Variants in SFPQ observed in about 807,000 individuals in gnomAD.
The protein encoded by SFPQ is splicing factor, proline- and glutamine-rich.
SFPQ carries 11 observed loss-of-function variants against 72.9 expected under a neutral mutation model. That is an observed-to-expected ratio of 0.15 (90% confidence interval 0.09 to 0.25). The LOEUF (loss-of-function observed/expected upper bound fraction) is 0.25, where lower values mean the gene tolerates loss of function less well. SFPQ is among the 10% of genes least tolerant of loss of function. The pLI is 1.00. For synonymous variants in SFPQ, 506 were observed against 367.3 expected (o/e 1.38, Z -4.32); for missense variants, 847 against 993.3 (o/e 0.85, Z 1.98).
chr1:35,187,410 G>C lies in SFPQ; in HGVS notation c.1816-159C>G, dbSNP rs573969864. Among the ~76,000 whole-genome samples the C allele has an allele frequency of 2.6e-5, 4 of 152,288 alleles. No individual in the cohort carries two copies. In the East Asian group the frequency reaches 7.7e-4, roughly 29 times the overall value. On this transcript the variant is annotated intron_variant, in intron 7 of 9. Coordinates refer to ENST00000357214, the MANE Select transcript of SFPQ (RefSeq NM_005066.3). ...AATCAATATTCTGAAAACTAAGTTA[G>C]ACTCAATTATCCAAAGACCTACAAA...
intron 4 of SFPQ, chr1:35,177,885 G>A (rs753550240): frequency 3.7e-5 from 14 of 380,888 alleles, no homozygotes; most frequent in Non-Finnish European, 4.7e-5. Flanking sequence ...TCTTAGAAAC[G>A]GTAAACATCT....
Position 35,183,745 on chromosome 1 carries a change from T to A in SFPQ, c.*711A>T. ...TTTTCAAAAGCTTTCAAGTAAAGGA[T>A]AGATCATAGGGCCATAAAAGATCCA... On this transcript the variant is annotated 3_prime_UTR_variant, in exon 10 of 10. Coordinates refer to ENST00000357214, the MANE Select transcript of SFPQ (RefSeq NM_005066.3). 9.5e-7 allele frequency: 1 copy of A among 1,050,752 alleles called. No homozygotes were observed. Among genetic ancestry groups the A allele is most frequent in the Middle Eastern group, 4.3e-4 (1 of 2,326 alleles). 65.1% of individuals were successfully genotyped at this position (1,050,752 alleles called of 1,614,324 possible). A position where few individuals can be genotyped will look rare whatever the true frequency, so the allele number is the denominator to read the frequency against.
intron 7 of SFPQ, 105 bp downstream of exon 7, chr1:35,187,868 G>A: frequency 2.8e-6 from 2 of 725,720 alleles, no homozygotes; most frequent in Non-Finnish European, 4.8e-6. Context: ...TAGAAAAAAA[G>A]CAGAAAATAA....
At chr1:35,178,379 G>T, downstream of SFPQ, 1 of 1,063,700 alleles carries the variant, frequency 9.4e-7, no homozygotes, top group Non-Finnish European at 1.1e-6. Flanking sequence ...CACCAAATGA[G>T]TTTTAACATC....
At chr1:35,184,927 GA>G (rs1639636368) in intron 9 of SFPQ, among the ~76,000 whole-genome samples, 1 of 152,164 alleles carries the variant, frequency 6.6e-6, no homozygotes, top group African/African-American at 2.4e-5. Context: ...TTAACCCACT[GA>G]AAAACTTGCA....
At chr1:35,182,693 A>ACATTC (rs1639519673), downstream of SFPQ, 1 of 985,340 alleles carries the variant, frequency 1.0e-6, no homozygotes, top group South Asian at 4.7e-5. Flanking sequence ...GGAGGAAGAC[A>ACATTC]CATTCCATAG....
Position 35,190,684 on chromosome 1 carries a change from G to T in SFPQ, c.1319+10C>A, listed in dbSNP as rs1363777815. The T allele has an allele frequency of 1.9e-6, 3 of 1,612,368 alleles. No individual in the cohort carries two copies. Among genetic ancestry groups the T allele is most frequent in the Non-Finnish European group, 2.5e-6 (3 of 1,179,112 alleles). On this transcript the variant is annotated intron_variant, in intron 3 of 9. Coordinates refer to ENST00000357214, the MANE Select transcript of SFPQ (RefSeq NM_005066.3). ...TGATAGAAATTATTAGAATAAACAA[G>T]ACAACTTACGTCGTCAGTAAGAAAA...
In SFPQ at chr1:35,190,844, G is replaced by C. The variant is rs755626136; in HGVS notation, c.1169C>G (p.Ala390Gly). 4.5e-5 allele frequency: 73 copies of C among 1,614,044 alleles called. No homozygotes were observed. Among genetic ancestry groups the C allele is most frequent in the East Asian group, 4.0e-4 (18 of 44,900 alleles). ...TTCAATAGGACCAAATTGGCTAAAG[G>C]CTTCTTCCAACAGTTCATTGGAAAC... ...PYVSNELLEEAFSQFGPIERA... is the reference protein window; with the variant it reads ...PYVSNELLEEGFSQFGPIERA... Residue 390 changes from alanine (A) to glycine (G), a missense_variant, in exon 3 of 10, where the codon GCC (alanine) becomes GGC (glycine). Coordinates refer to ENST00000357214, the MANE Select transcript of SFPQ (RefSeq NM_005066.3).
At chr1:35,178,423 TC>T, downstream of SFPQ, 2 of 1,064,146 alleles carry the variant, frequency 1.9e-6, no homozygotes, top group Non-Finnish European at 2.3e-6. Context: ...CATACCCTGC[TC>T]CCCATTCAAG....
In SFPQ at chr1:35,192,606, GCCTGGCCCGGAC is replaced by G; in HGVS notation, c.432_443del (p.Ser145_Gly148del). On this transcript the variant is annotated inframe_deletion, in exon 1 of 10. Coordinates refer to ENST00000357214, the MANE Select transcript of SFPQ (RefSeq NM_005066.3). ...CTGCAGGCGGCGGGGTCGGAGTCGGGCCTGGCCCGGACCCTGGCGGGGCCCCCGAGGTTGGTG... is the reference window on the plus strand; with the variant it reads ...CTGCAGGCGGCGGGGTCGGAGTCGGGCCTGGCGGGGCCCCCGAGGTTGGTG... 1 of 1,358,984 alleles carries G rather than the reference GCCTGGCCCGGAC, an allele frequency of 7.4e-7. No individual in the cohort carries two copies. Among genetic ancestry groups the G allele is most frequent in the Non-Finnish European group, 9.4e-7 (1 of 1,063,942 alleles). The allele number at this position is 1,358,984 out of a possible 1,614,324, so 84.2% of individuals were successfully genotyped here.
chr1:35,176,753 A>G (rs887300759), intron 5 of SFPQ, among the ~76,000 whole-genome samples: 1 of 152,000 alleles, frequency 6.6e-6, no homozygotes, highest in African/African-American at 2.4e-5. Context: ...GGGCGCCTGC[A>G]GTCCCAGCTA....
chr1:35,184,389 G>A lies in SFPQ; in HGVS notation c.*67C>T. The stretch of plus-strand genomic sequence containing the variant: ...AGATAGCTTTCTTACTAAAATGCAA[G>A]AATTTAAAAGATTGGTATCTAAACA... On this transcript the variant is annotated 3_prime_UTR_variant, in exon 10 of 10. Coordinates refer to ENST00000357214, the MANE Select transcript of SFPQ (RefSeq NM_005066.3). 2 of 1,570,570 alleles carry A rather than the reference G, an allele frequency of 1.3e-6. No individual in the cohort carries two copies. The highest frequency in any genetic ancestry group is 2.2e-5 in the Admixed American group (1 of 46,440).
At chr1:35,178,526 T>C (rs111552577), downstream of SFPQ, 410 of 1,061,802 alleles carry the variant, frequency 3.9e-4, 3 homozygotes, top group African/African-American at 6.4e-3. Context: ...AACGCTGTAG[T>C]TGTTGTCCTG....
chr1:35,177,592 C>T (rs1202149909), intron 4 of SFPQ: 1 of 152,448 alleles, frequency 6.6e-6, no homozygotes, highest in Admixed American at 6.6e-5. Flanking sequence ...ACTTCTGCCT[C>T]CCAAAGTGCT....
chr1:35,180,963 G>C (rs573751490), downstream of SFPQ: 6 of 985,292 alleles, frequency 6.1e-6, no homozygotes, highest in African/African-American at 1.7e-5. Flanking sequence ...AATTCTGCCT[G>C]ACAAATTACA....
At position 35,193,044 on chromosome 1, in the gene SFPQ, A is replaced by G; in HGVS notation, c.6T>C (p.Ser2=). 6.3e-7 allele frequency: 1 copy of G among 1,579,794 alleles called. No homozygotes were observed. Among genetic ancestry groups the G allele is most frequent in the Non-Finnish European group, 8.5e-7 (1 of 1,171,134 alleles). Residue 2 remains serine, a synonymous_variant, in exon 1 of 10, where the codon TCT becomes TCC. Coordinates refer to ENST00000357214, the MANE Select transcript of SFPQ (RefSeq NM_005066.3). M[S]RDRFRSRGGG... ...CGCCACGACTCCGGAACCGATCCCGAGACATGTCTGTGGTCAAGGGGCGGT... is the reference window on the plus strand; with the variant it reads ...CGCCACGACTCCGGAACCGATCCCGGGACATGTCTGTGGTCAAGGGGCGGT...
chr1:35,191,625 T>C (rs543702367), intron 1 of SFPQ, 96 bp from the exon 2 acceptor site: 9 of 901,794 alleles, frequency 1.0e-5, no homozygotes, highest in African/African-American at 5.0e-5. Flanking sequence ...ATCAGTTGCC[T>C]TTCTGTTCCG....
downstream of SFPQ, chr1:35,179,855 G>A: frequency 6.6e-6 from 7 of 1,053,978 alleles, no homozygotes; most frequent in Non-Finnish European, 6.9e-6. Flanking sequence ...AGCAAGCACT[G>A]GCCACCGATT....
chr1:35,180,343 T>C (rs923022238), downstream of SFPQ: 12 of 1,044,836 alleles, frequency 1.1e-5, no homozygotes, highest in Non-Finnish European at 1.4e-5. Flanking sequence ...TGTAAACATT[T>C]TGGACTATAA....
Sources: gnomAD v4.1 joint callset for allele counts (sites outside exome capture counted in the v4.1 genomes callset) on GRCh38, gnomAD v4.1.1 for gene constraint, MANE v1.5 for transcripts, NCBI Gene and HGNC (gene_info 2026-07-23, HGNC 2026-07-21) for gene names.